The following SLC25A13 variants were observed in gnomAD, a reference collection of about 807,000 sequenced individuals.
SLC25A13 encodes electrogenic aspartate/glutamate antiporter SLC25A13, mitochondrial.
In SLC25A13, 70 loss-of-function variants were observed where a neutral mutation model predicts 85.5. That is an observed-to-expected ratio of 0.82 (90% CI 0.68 to 1.00). The LOEUF (loss-of-function observed/expected upper bound fraction) is 1.00, where lower values mean the gene tolerates loss of function less well. Ranked by LOEUF, SLC25A13 falls within the 50% of genes least tolerant of loss-of-function variation. The pLI, the probability that SLC25A13 is intolerant of heterozygous loss-of-function variation, is 0.00. For missense variants in SLC25A13, 765 were observed against 819.8 expected, an observed-to-expected ratio of 0.93 and a Z score of 0.82; for synonymous variants, 259 against 288.7, an observed-to-expected ratio of 0.90 and a Z score of 1.04.
intron 5 of SLC25A13, among the ~76,000 whole-genome samples, chr7:96,195,752 C>T (rs1345086733): frequency 2.0e-5 from 3 of 152,134 alleles, no homozygotes; most frequent in South Asian, 4.1e-4. Flanking sequence ...AGACTGCTGC[C>T]CCTTTCTCCA....
intron 3 of SLC25A13, among the ~76,000 whole-genome samples, chr7:96,252,669 A>G (rs1448725256): frequency 6.6e-6 from 1 of 152,192 alleles, no homozygotes; most frequent in African/African-American, 2.4e-5. Flanking sequence ...GAGTATTGCA[A>G]AAAGGGGTAA....
At chr7:96,141,689 G>T (rs1792570795) in intron 14 of SLC25A13, among the ~76,000 whole-genome samples, 1 of 152,120 alleles carries the variant, frequency 6.6e-6, no homozygotes, top group African/African-American at 2.4e-5. Flanking sequence ...TCTCAAAGTA[G>T]ACTAAACAAC....
intron 1 of SLC25A13, among the ~76,000 whole-genome samples, chr7:96,298,844 T>C (rs1799449217): frequency 6.6e-6 from 1 of 152,164 alleles, no homozygotes; most frequent in Non-Finnish European, 1.5e-5. Flanking sequence ...TCTGCTGCCC[T>C]AAAAGCTTCA....
At chr7:96,243,999 G>A (rs561507380) in intron 3 of SLC25A13, among the ~76,000 whole-genome samples, 2 of 152,296 alleles carry the variant, frequency 1.3e-5, no homozygotes, top group African/African-American at 4.8e-5. Flanking sequence ...GTGGAGCACG[G>A]GCCGCCGGGT....
chr7:96,274,890 C>T (rs1413744721), intron 3 of SLC25A13, among the ~76,000 whole-genome samples: 2 of 152,102 alleles, frequency 1.3e-5, no homozygotes, highest in African/African-American at 4.8e-5. Context: ...GTACCAGTAC[C>T]ATGCTGTTTT....
At chr7:96,293,167 C>T (rs1799194882) in intron 2 of SLC25A13, among the ~76,000 whole-genome samples, 1 of 152,146 alleles carries the variant, frequency 6.6e-6, no homozygotes, top group Non-Finnish European at 1.5e-5. Flanking sequence ...CTGACAAAAA[C>T]AAGAAATGGG....
At chr7:96,208,502 T>A (rs1795547645) in intron 5 of SLC25A13, among the ~76,000 whole-genome samples, 1 of 151,126 alleles carries the variant, frequency 6.6e-6, no homozygotes. Context: ...TTTACCCTTT[T>A]AACTTTTTTT....
intron 3 of SLC25A13, among the ~76,000 whole-genome samples, chr7:96,239,445 C>T (rs1001587005): frequency 2.0e-5 from 3 of 151,674 alleles, no homozygotes; most frequent in Non-Finnish European, 4.4e-5. Flanking sequence ...TGAGCATTAA[C>T]GTAAGTTACA....
chr7:96,205,397 C>A (rs183487511), intron 5 of SLC25A13, among the ~76,000 whole-genome samples: 19 of 152,322 alleles, frequency 1.2e-4, no homozygotes, highest in Admixed American at 6.5e-4. Context: ...AATACACATA[C>A]CTACCCACAT....
At chr7:96,173,408 A>C (rs1303011203) in intron 11 of SLC25A13, among the ~76,000 whole-genome samples, 1 of 152,184 alleles carries the variant, frequency 6.6e-6, no homozygotes, top group Admixed American at 6.5e-5. Flanking sequence ...ACTGGGATAC[A>C]AGCTTTAGCC....
At position 96,189,311 on chromosome 7, in the gene SLC25A13, C is replaced by T. The variant is rs1365501165; in HGVS notation, c.916G>A (p.Ala306Thr). 2.5e-6 allele frequency: 4 copies of T among 1,613,952 alleles called. No homozygotes were observed. The Admixed American group carries it at 5.0e-5, about 20-fold the overall frequency. Residue 306 changes from alanine to threonine, a missense_variant, in exon 9 of 18, where the codon GCT becomes ACT. By Grantham distance (58) the Ala-to-Thr change is moderately conservative. Transcript: ENST00000265631. ...LEEGTLPFNL[A>T]EAQRQKASGD... ...TTGCTCACCTGCCTCTGGGCCTCAG[C>T]CAAGTTAAAGGGCAGAGTTCCCTCT...
chr7:96,239,855 CGA>C (rs764897354), intron 3 of SLC25A13, among the ~76,000 whole-genome samples: 16 of 152,124 alleles, frequency 1.1e-4, no homozygotes, highest in Non-Finnish European at 1.9e-4. Flanking sequence ...ATAACAGTAG[CGA>C]CTTTGTAACT....
intron 3 of SLC25A13, among the ~76,000 whole-genome samples, chr7:96,247,325 A>G (rs183420550): frequency 6.6e-6 from 1 of 152,266 alleles, no homozygotes; most frequent in East Asian, 1.9e-4. Context: ...CTTAAAATAG[A>G]TTATGATTTT....
chr7:96,289,675 T>C (rs1017259145), intron 2 of SLC25A13, among the ~76,000 whole-genome samples: 1 of 151,972 alleles, frequency 6.6e-6, no homozygotes, highest in Non-Finnish European at 1.5e-5. Context: ...GAAGATCAAA[T>C]GAATGAAATG....
At chr7:96,121,593 C>T (rs1479624731) in intron 17 of SLC25A13, 62 bp downstream of exon 17, 2 of 1,521,310 alleles carry the variant, frequency 1.3e-6, no homozygotes, top group East Asian at 2.3e-5. Context: ...GGTACCTTTC[C>T]CTACGACAAC....
intron 3 of SLC25A13, among the ~76,000 whole-genome samples, chr7:96,251,108 C>G (rs1234528341): frequency 6.6e-6 from 1 of 151,886 alleles, no homozygotes; most frequent in Admixed American, 6.6e-5. Flanking sequence ...CATGAGAAAG[C>G]CCTAAAGGAA....
intron 5 of SLC25A13, among the ~76,000 whole-genome samples, chr7:96,201,832 GT>G (rs2116692264): frequency 6.6e-6 from 1 of 152,246 alleles, no homozygotes; most frequent in South Asian, 2.1e-4. Flanking sequence ...ATAGCCTCTT[GT>G]GTTGAAATTG....
chr7:96,298,962 G>A (rs1422328873), intron 1 of SLC25A13, among the ~76,000 whole-genome samples: 1 of 152,104 alleles, frequency 6.6e-6, no homozygotes, highest in Non-Finnish European at 1.5e-5. Context: ...TTTAAGAGCA[G>A]AAAAATCTCC....
intron 3 of SLC25A13, among the ~76,000 whole-genome samples, chr7:96,242,443 G>A (rs146073175): frequency 1.3e-5 from 2 of 152,232 alleles, no homozygotes; most frequent in Non-Finnish European, 2.9e-5. Flanking sequence ...AAAATTCTAA[G>A]ACCCCTTGAT....
Sources: gnomAD v4.1 joint callset for allele counts (sites outside exome capture counted in the v4.1 genomes callset) on GRCh38, gnomAD v4.1.1 for gene constraint, MANE v1.5 for transcripts, NCBI Gene and HGNC (gene_info 2026-07-23, HGNC 2026-07-21) for gene names.